CTSL: variants seen among roughly 807,000 people sequenced by gnomAD.
CTSL encodes the protein procathepsin L.
CTSL carries 23 observed loss-of-function variants against 34.7 expected under a neutral mutation model. The ratio of observed to expected loss-of-function variants is 0.66; its 90% CI spans 0.48 to 0.94. CTSL has a LOEUF of 0.94. Ranked by LOEUF, CTSL falls within the 40% of genes least tolerant of loss-of-function variation. The pLI, the probability that CTSL is intolerant of heterozygous loss-of-function variation, is 0.00. For synonymous variants in CTSL, 129 were observed against 136.7 expected (o/e 0.94, Z 0.39); for missense variants, 361 against 406.3 (o/e 0.89, Z 0.96).
rs528682135 is a variant in CTSL, at chr9:87,731,335, C to T, written c.*228C>T. The T allele has an allele frequency of 1.1e-5, 4 of 354,930 alleles. No individual in the cohort carries two copies. Among genetic ancestry groups the T allele is most frequent in the African/African-American group, 2.1e-5 (1 of 47,924 alleles). 22.0% of individuals were successfully genotyped at this position (354,930 alleles called of 1,614,324 possible). ...GATTCACTTACTGACTTTGCATTTTCGTTTTTAAAAGGATGTATAAATTTT... is the reference window on the plus strand; with the variant it reads ...GATTCACTTACTGACTTTGCATTTTTGTTTTTAAAAGGATGTATAAATTTT... On this transcript the variant is annotated 3_prime_UTR_variant, in exon 8 of 8. Coordinates refer to ENST00000343150, the MANE Select transcript of CTSL (RefSeq NM_001912.5).
In CTSL at chr9:87,731,148, CGCAT is replaced by C. The variant is rs777884746; in HGVS notation, c.*47_*50del. 2.0e-6 allele frequency: 3 copies of C among 1,485,308 alleles called. No homozygotes were observed. The highest frequency in any genetic ancestry group is 1.7e-5 in the Admixed American group (1 of 58,920). 92.0% of individuals were successfully genotyped at this position (1,485,308 alleles called of 1,614,324 possible). A position where few individuals can be genotyped will look rare whatever the true frequency, so the allele number is the denominator to read the frequency against. On this transcript the variant is annotated 3_prime_UTR_variant, in exon 8 of 8. Coordinates refer to ENST00000343150, the MANE Select transcript of CTSL (RefSeq NM_001912.5). ...TGAGGAAGGACTTGACTGGGGATGG[CGCAT>C]GCATGGGAGGAATTCATCTTCAGTC...
In CTSL at chr9:87,728,631, A is replaced by C; in HGVS notation, c.443A>C (p.Glu148Ala). Residue 148 changes from glutamate to alanine, a missense_variant, in exon 5 of 8, where the codon GAA becomes GCA. Coordinates refer to ENST00000343150, the MANE Select transcript of CTSL (RefSeq NM_001912.5). Reference sequence around the variant, plus strand: ...GCTTTTAGTGCTACTGGTGCTCTTGAAGGACAGATGTTCCGGAAAACTGGG... The same window carrying C: ...GCTTTTAGTGCTACTGGTGCTCTTGCAGGACAGATGTTCCGGAAAACTGGG... ...CWAFSATGALEGQMFRKTGRL... is the reference protein window; with the variant it reads ...CWAFSATGALAGQMFRKTGRL... 6.2e-7 allele frequency: 1 copy of C among 1,613,886 alleles called. No homozygotes were observed. Among genetic ancestry groups the C allele is most frequent in the Non-Finnish European group, 8.5e-7 (1 of 1,180,004 alleles).
At chr9:87,730,156 C>G (rs1826202256) in intron 6 of CTSL, among the ~76,000 whole-genome samples, 1 of 151,720 alleles carries the variant, frequency 6.6e-6, no homozygotes, top group African/African-American at 2.4e-5. Flanking sequence ...TCTTTTTTTC[C>G]TCTAGGAAAG....
At chr9:87,730,802 T>C (rs1294777657) in intron 7 of CTSL, among the ~76,000 whole-genome samples, 1 of 152,250 alleles carries the variant, frequency 6.6e-6, no homozygotes, top group East Asian at 1.9e-4. Flanking sequence ...TCTGTAGTTC[T>C]GTGAAAGGTC....
intron 5 of CTSL, 85 bp downstream of exon 5, chr9:87,728,894 CATATA>C: frequency 6.3e-7 from 1 of 1,584,358 alleles, no homozygotes; most frequent in Non-Finnish European, 8.6e-7. Flanking sequence ...TTTCGGAATT[CATATA>C]TTAGGGCTGG....
rs753162693 is a variant in CTSL, at chr9:87,729,714, T to C, written c.763T>C (p.Ser255Pro). ...ISVAIDAGHE[S>P]FLFYKEGIYF... ...TGTTGCTATTGATGCAGGTCATGAG[T>C]CCTTCCTGTTCTATAAAGAAGGTAA... The change falls in exon 6 of 8, where the codon TCC (serine) becomes CCC (proline). Residue 255 changes from serine to proline, a missense_variant. By Grantham distance (74) the Ser-to-Pro change is moderately conservative. Transcript: ENST00000343150. 1 of 1,605,254 alleles carries C rather than the reference T, an allele frequency of 6.2e-7. No homozygotes were observed. The highest frequency in any genetic ancestry group is 1.7e-5 in the Admixed American group (1 of 57,442).
At chr9:87,729,872 T>C (rs1826191276) in intron 6 of CTSL, 137 bp downstream of exon 6, 1 of 752,360 alleles carries the variant, frequency 1.3e-6, no homozygotes, top group Non-Finnish European at 2.1e-6. Context: ...ATTCTGTACA[T>C]GCAATATTTA....
At position 87,731,179 on chromosome 9, in the gene CTSL, A is replaced by G. The variant is rs998731116; in HGVS notation, c.*72A>G. 6 of 1,138,584 alleles carry G rather than the reference A, an allele frequency of 5.3e-6. No homozygotes were observed. In the African/African-American group the frequency reaches 7.6e-5, roughly 14 times the overall value. The allele number at this position is 1,138,584 out of a possible 1,614,324, so 70.5% of individuals were successfully genotyped here. On this transcript the variant is annotated 3_prime_UTR_variant, in exon 8 of 8. Coordinates refer to ENST00000343150, the MANE Select transcript of CTSL (RefSeq NM_001912.5). ...CATGGGAGGAATTCATCTTCAGTCT[A>G]CCAGCCCCCGCTGTGTCGGATACAC...
In CTSL at chr9:87,728,395, A is replaced by T; in HGVS notation, c.395A>T (p.Gln132Leu). The change falls in exon 4 of 8, where the codon CAG (glutamine) becomes CTG (leucine). Residue 132 changes from glutamine to leucine, a missense_variant and splice_region_variant. By Grantham distance (113) the Gln-to-Leu change is moderately radical (BLOSUM62 -2). Transcript: ENST00000343150. ...EKGYVTPVKNQGQCGSCWAFS... is the reference protein window; with the variant it reads ...EKGYVTPVKNLGQCGSCWAFS... The stretch of plus-strand genomic sequence containing the variant: ...GGCTACGTGACTCCTGTGAAGAATC[A>T]GGTGAGACAGTGTCAGGTTCAGACC... 6.2e-7 allele frequency: 1 copy of T among 1,612,702 alleles called. No homozygotes were observed. The highest frequency in any genetic ancestry group is 2.2e-5 in the East Asian group (1 of 44,858).
intron 2 of CTSL, 62 bp downstream of exon 2, chr9:87,727,791 G>A: frequency 1.3e-6 from 2 of 1,591,110 alleles, no homozygotes; most frequent in East Asian, 2.2e-5. Context: ...TCAGAGAGTA[G>A]CTTCTAGAGG....
rs760173942 is a variant in CTSL at position 87,728,724 on chromosome 9, A to G, written c.536A>G (p.Asn179Ser). The G allele has an allele frequency of 3.7e-6, 6 of 1,614,198 alleles. No individual in the cohort carries two copies. Among genetic ancestry groups the G allele is most frequent in the Middle Eastern group, 1.6e-4 (1 of 6,062 alleles). Residue 179 changes from asparagine (N) to serine (S), a missense_variant, in exon 5 of 8, where the codon AAT becomes AGT. Coordinates refer to ENST00000343150, the MANE Select transcript of CTSL (RefSeq NM_001912.5). Reference protein sequence around the residue: ...CSGPQGNEGCNGGLMDYAFQY... With the variant: ...CSGPQGNEGCSGGLMDYAFQY... Reference sequence around the variant, plus strand: ...GGGCCTCAAGGCAATGAAGGCTGCAATGGTGGCCTAATGGATTATGCTTTC... The same window carrying G: ...GGGCCTCAAGGCAATGAAGGCTGCAGTGGTGGCCTAATGGATTATGCTTTC...
In CTSL at chr9:87,730,376, C is replaced by A; in HGVS notation, c.785-5C>A. 1 of 1,602,392 alleles carries A rather than the reference C, an allele frequency of 6.2e-7. No individual in the cohort carries two copies. The highest frequency in any genetic ancestry group is 8.5e-7 in the Non-Finnish European group (1 of 1,173,682). On this transcript the variant is annotated splice_polypyrimidine_tract_variant and splice_region_variant and intron_variant, in intron 6 of 7. Coordinates refer to ENST00000343150, the MANE Select transcript of CTSL (RefSeq NM_001912.5). The stretch of plus-strand genomic sequence containing the variant: ...CTCACCCCAGCCCTCATTTTACCAT[C>A]CCAGGCATTTATTTTGAGCCAGACT...
chr9:87,727,886 G>T, intron 2 of CTSL, 141 bp from the exon 3 acceptor site: 2 of 1,425,154 alleles, frequency 1.4e-6, no homozygotes, highest in South Asian at 2.5e-5. Flanking sequence ...TTGTGTCTCA[G>T]TTTGGAGAAC....
chr9:87,728,059 G>C lies in CTSL; in HGVS notation c.159G>C (p.Glu53Asp), dbSNP rs1400226120. 6.2e-7 allele frequency: 1 copy of C among 1,613,788 alleles called. No homozygotes were observed. The highest frequency in any genetic ancestry group is 1.3e-5 in the African/African-American group (1 of 74,882). ...NEEGWRRAVW[E>D]KNMKMIELHN... ...AAGGATGGAGGAGAGCAGTGTGGGA[G>C]AAGAACATGAAGATGATTGAACTGC... The change falls in exon 3 of 8, where the codon GAG becomes GAC. Residue 53 changes from glutamate (E) to aspartate (D), a missense_variant. Glu to Asp is a conservative substitution (Grantham distance 45). Transcript: ENST00000343150.
Position 87,730,404 on chromosome 9 carries a change from A to G in CTSL, c.808A>G (p.Ser270Gly), listed in dbSNP as rs1826211948. The G allele has an allele frequency of 2.5e-6, 4 of 1,611,952 alleles. No individual in the cohort carries two copies. The highest frequency in any genetic ancestry group is 3.4e-6 in the Non-Finnish European group (4 of 1,179,238). The change falls in exon 7 of 8, where the codon AGC (serine) becomes GGC (glycine). Residue 270 changes from serine (S) to glycine (G), a missense_variant. Coordinates refer to ENST00000343150, the MANE Select transcript of CTSL (RefSeq NM_001912.5). ...KEGIYFEPDCSSEDMDHGVLV... is the reference protein window; with the variant it reads ...KEGIYFEPDCGSEDMDHGVLV... ...AGGCATTTATTTTGAGCCAGACTGT[A>G]GCAGTGAAGACATGGATCATGGTGT...
In CTSL at chr9:87,731,302, A is replaced by G. The variant is rs1280329558; in HGVS notation, c.*195A>G. ...TTTAATTACTGCTATAAATAGGTTT[A>G]TATTATTGATTCACTTACTGACTTT... On this transcript the variant is annotated 3_prime_UTR_variant, in exon 8 of 8. Coordinates refer to ENST00000343150, the MANE Select transcript of CTSL (RefSeq NM_001912.5). 2.4e-6 allele frequency: 1 copy of G among 413,062 alleles called. No individual in the cohort carries two copies. The highest frequency in any genetic ancestry group is 4.3e-6 in the Non-Finnish European group (1 of 233,620). 25.6% of individuals were successfully genotyped at this position (413,062 alleles called of 1,614,324 possible).
intron 1 of CTSL, among the ~76,000 whole-genome samples, chr9:87,727,159 G>T (rs1338612093): frequency 2.0e-5 from 3 of 152,112 alleles, no homozygotes; most frequent in Non-Finnish European, 4.4e-5. Context: ...TAACTCTTGG[G>T]GATCTCTTTG....
Position 87,728,313 on chromosome 9 carries a change from G to A in CTSL, c.313G>A (p.Val105Met). The A allele has an allele frequency of 6.2e-6, 10 of 1,614,192 alleles. No homozygotes were observed. The highest frequency in any genetic ancestry group is 8.5e-6 in the Non-Finnish European group (10 of 1,180,034). Residue 105 changes from valine to methionine, a missense_variant, in exon 4 of 8, where the codon GTG (valine) becomes ATG (methionine). By Grantham distance (21) the Val-to-Met change is conservative. Transcript: ENST00000343150. ...FQNRKPRKGKVFQEPLFYEAP... is the reference protein window; with the variant it reads ...FQNRKPRKGKMFQEPLFYEAP... ...AAACCGTAAGCCCAGGAAGGGGAAAGTGTTCCAGGAACCTCTGTTTTATGA... is the reference window on the plus strand; with the variant it reads ...AAACCGTAAGCCCAGGAAGGGGAAAATGTTCCAGGAACCTCTGTTTTATGA...
At position 87,728,546 on chromosome 9, in the gene CTSL, T is replaced by G. The variant is rs531265221; in HGVS notation, c.397-39T>G. The G allele has an allele frequency of 1.4e-5, 22 of 1,590,410 alleles. No individual in the cohort carries two copies. The South Asian group carries it at 2.4e-4, about 17-fold the overall frequency. ...GCTGTTGTCAAAGTCTTATTATTTT[T>G]TTTTTGTGGATGACAGCTTTTTTTA... On this transcript the variant is annotated intron_variant, in intron 4 of 7. Transcript: ENST00000343150.
Sources: allele counts gnomAD v4.1 joint callset (sites outside exome capture counted in the v4.1 genomes callset), GRCh38; gene constraint gnomAD v4.1.1; transcripts MANE v1.5; gene names NCBI Gene and HGNC (gene_info 2026-07-23, HGNC 2026-07-21).